Variants in ANO2 observed in about 807,000 individuals in gnomAD.
ANO2 encodes the protein anoctamin 2.
In ANO2, 101 loss-of-function variants were observed where a neutral mutation model predicts 124.2. The observed-to-expected ratio is 0.81, with a 90% CI of 0.69 to 0.96. The LOEUF (loss-of-function observed/expected upper bound fraction) is 0.96. ANO2 is among the 40% of genes least tolerant of loss of function. The pLI is 0.00. For missense variants in ANO2, 1,293 were observed against 1,274.5 expected, an observed-to-expected ratio of 1.01 and a Z score of -0.22; for synonymous variants, 486 against 482.5, an observed-to-expected ratio of 1.01 and a Z score of -0.09.
chr12:5,911,982 A>T (rs1591781639), intron 3 of ANO2, among the ~76,000 whole-genome samples: 1 of 152,366 alleles, frequency 6.6e-6, no homozygotes, highest in East Asian at 1.9e-4. Flanking sequence ...GAAACCCTTG[A>T]CAAGGACAAC....
At chr12:5,732,744 G>C in intron 13 of ANO2, 114 bp from the exon 14 acceptor site, 1 of 1,527,246 alleles carries the variant, frequency 6.5e-7, no homozygotes, top group African/African-American at 1.4e-5. Flanking sequence ...GATGCTATTG[G>C]ATATGAACTG....
intron 14 of ANO2, among the ~76,000 whole-genome samples, chr12:5,679,724 C>T (rs1169620006): frequency 1.3e-5 from 2 of 152,110 alleles, no homozygotes; most frequent in Non-Finnish European, 2.9e-5. Context: ...TGGAAGACAG[C>T]GTGGTGATTC....
intron 22 of ANO2, among the ~76,000 whole-genome samples, chr12:5,576,450 G>A (rs1385101317): frequency 6.6e-6 from 1 of 152,210 alleles, no homozygotes; most frequent in East Asian, 1.9e-4. Context: ...AGTAGTACCA[G>A]AAAGCCAGAA....
intron 4 of ANO2, among the ~76,000 whole-genome samples, chr12:5,833,974 C>T (rs1016444296): frequency 2.0e-5 from 3 of 152,146 alleles, no homozygotes; most frequent in South Asian, 2.1e-4. Flanking sequence ...TCTACGGAGG[C>T]GTCCTGAGAG....
chr12:5,640,653 T>C (rs1002653032), intron 15 of ANO2, among the ~76,000 whole-genome samples: 13 of 152,118 alleles, frequency 8.5e-5, no homozygotes, highest in South Asian at 2.1e-4. Flanking sequence ...ATCAGAGAAA[T>C]GCAAATCAAA....
chr12:5,691,433 A>ACAGAT (rs2137014218), intron 14 of ANO2, among the ~76,000 whole-genome samples: 1 of 152,268 alleles, frequency 6.6e-6, no homozygotes, highest in African/African-American at 2.4e-5. Context: ...AGCAAATTCC[A>ACAGAT]CAGATGAAGG....
intron 3 of ANO2, among the ~76,000 whole-genome samples, chr12:5,914,405 G>T (rs930683724): frequency 6.6e-6 from 1 of 152,110 alleles, no homozygotes; most frequent in African/African-American, 2.4e-5. Flanking sequence ...GACATCTCAT[G>T]GCATAGGAGG....
At chr12:5,695,708 G>A (rs764835835) in intron 14 of ANO2, among the ~76,000 whole-genome samples, 2 of 152,170 alleles carry the variant, frequency 1.3e-5, no homozygotes, top group Non-Finnish European at 2.9e-5. Context: ...GGGCCTGGTG[G>A]CGCGTGCCTG....
At chr12:5,911,812 G>A (rs114644657) in intron 3 of ANO2, among the ~76,000 whole-genome samples, 2,400 of 152,202 alleles carry the variant, frequency 0.016, 50 homozygotes, top group African/African-American at 0.055. Flanking sequence ...ATTCTCTCTG[G>A]GCTTCAGTTC....
chr12:5,726,226 T>C (rs77741223), intron 14 of ANO2, among the ~76,000 whole-genome samples: 1 of 152,326 alleles, frequency 6.6e-6, no homozygotes, highest in East Asian at 1.9e-4. Context: ...TATATTTATA[T>C]TCCTGAATTT....
intron 14 of ANO2, among the ~76,000 whole-genome samples, chr12:5,718,776 T>TCC (rs1950112740): frequency 1.3e-5 from 2 of 152,254 alleles, no homozygotes; most frequent in East Asian, 3.9e-4. Flanking sequence ...ACCCAGAGCT[T>TCC]CCCTCTCCTC....
rs145686846 is a variant in ANO2, at chr12:5,921,644, C to A, written c.208-278G>T. Among the ~76,000 whole-genome samples, 613 of 152,198 alleles carry A rather than the reference C, an allele frequency of 4.0e-3. 6 individuals carry two copies. The highest frequency in any genetic ancestry group is 0.014 in the African/African-American group (572 of 41,524). ...CACACACACTCACACACAGACTGTA[C>A]CTGCAGCAGCAAACCCCTCACAACC... On this transcript the variant is annotated intron_variant, in intron 2 of 24. Coordinates refer to ENST00000682330, the MANE Select transcript of ANO2 (RefSeq NM_001364791.2).
intron 3 of ANO2, among the ~76,000 whole-genome samples, chr12:5,886,850 C>T (rs1349261004): frequency 6.6e-6 from 1 of 152,048 alleles, no homozygotes; most frequent in African/African-American, 2.4e-5. Context: ...AAAGGACAAA[C>T]ATTGCATGAT....
At chr12:5,873,497 G>A (rs1454161819) in intron 3 of ANO2, among the ~76,000 whole-genome samples, 1 of 152,192 alleles carries the variant, frequency 6.6e-6, no homozygotes, top group Non-Finnish European at 1.5e-5. Context: ...CTGCCTCGCT[G>A]GAGGAATTTG....
At chr12:5,877,257 G>A (rs937686705) in intron 3 of ANO2, among the ~76,000 whole-genome samples, 3 of 152,210 alleles carry the variant, frequency 2.0e-5, no homozygotes, top group Non-Finnish European at 4.4e-5. Context: ...GCAATGTAAA[G>A]ATGGAGGCAG....
At chr12:5,656,840 T>C (rs1452258164) in intron 14 of ANO2, among the ~76,000 whole-genome samples, 2 of 152,216 alleles carry the variant, frequency 1.3e-5, no homozygotes, top group Admixed American at 6.5e-5. Context: ...CTAGACACTA[T>C]TAGAATTCAC....
At chr12:5,739,931 C>T (rs1951030084) in intron 12 of ANO2, 1 of 456,078 alleles carries the variant, frequency 2.2e-6, no homozygotes, top group Non-Finnish European at 4.4e-6. Flanking sequence ...TTCAGCCTTC[C>T]AACCCATCCT....
chr12:5,820,942 C>A (rs1035769988), intron 7 of ANO2, among the ~76,000 whole-genome samples: 16 of 152,256 alleles, frequency 1.1e-4, no homozygotes, highest in African/African-American at 3.9e-4. Context: ...GTCCATTAGG[C>A]CCACCAGAAG....
chr12:5,780,134 G>A (rs1217307389), intron 10 of ANO2, among the ~76,000 whole-genome samples: 1 of 152,132 alleles, frequency 6.6e-6, no homozygotes, highest in African/African-American at 2.4e-5. Flanking sequence ...GTGGCATGAT[G>A]TCTGCCACAT....
Sources: gnomAD v4.1 joint callset for allele counts (sites outside exome capture counted in the v4.1 genomes callset) on GRCh38, gnomAD v4.1.1 for gene constraint, MANE v1.5 for transcripts, NCBI Gene and HGNC (gene_info 2026-07-23, HGNC 2026-07-21) for gene names.